Variants in CPEB4 observed in about 807,000 individuals in gnomAD.
CPEB4 encodes the protein cytoplasmic polyadenylation element-binding protein 4.
In CPEB4, 12 loss-of-function variants were observed where a neutral mutation model predicts 72.5. The observed-to-expected ratio is 0.17, with a 90% CI of 0.11 to 0.27. CPEB4 has a LOEUF of 0.27. Among genes scored for constraint, CPEB4 ranks in the 10% least tolerant of loss-of-function variants. The probability of loss-of-function intolerance (pLI) is 1.00; values close to 1 mark genes in which losing one functional copy is unlikely to be tolerated. For synonymous variants in CPEB4, 302 were observed against 326.3 expected, an observed-to-expected ratio of 0.93 and a Z score of 0.80; for missense variants, 614 against 908.5, an observed-to-expected ratio of 0.68 and a Z score of 4.17.
intron 3 of CPEB4, among the ~76,000 whole-genome samples, chr5:173,934,562 A>G (rs147886165): frequency 6.7e-4 from 102 of 152,268 alleles, no homozygotes; most frequent in Admixed American, 1.8e-3. Context: ...CAGGTCTAGT[A>G]CTGAGCTTCA....
chr5:173,945,205 A>G, intron 5 of CPEB4, 65 bp downstream of exon 5: 1 of 1,390,560 alleles, frequency 7.2e-7, no homozygotes, highest in Non-Finnish European at 1.0e-6. Flanking sequence ...ACTCACAGAT[A>G]GTGTTACAAT....
chr5:173,893,296 G>T (rs1394131599), intron 1 of CPEB4: 3 of 152,098 alleles, frequency 2.0e-5, no homozygotes, highest in East Asian at 1.9e-4. Context: ...ATCATTTTAA[G>T]TTGGTATAAG....
At position 173,890,753 on chromosome 5, in the gene CPEB4, C is replaced by T. The variant is rs1378533528; in HGVS notation, c.1020C>T (p.Ser340=). The T allele has an allele frequency of 1.9e-6, 3 of 1,614,056 alleles. No individual in the cohort carries two copies. Among genetic ancestry groups the T allele is most frequent in the Non-Finnish European group, 1.7e-6 (2 of 1,180,036 alleles). ...SISPLKKNFA[S]NHIQLQKYAR... ...CGCCTTTGAAGAAAAATTTTGCAAGCAATCATATTCAGCTCCAGAAGTATG... is the reference window on the plus strand; with the variant it reads ...CGCCTTTGAAGAAAAATTTTGCAAGTAATCATATTCAGCTCCAGAAGTATG... The change falls in exon 1 of 10, where the codon AGC becomes AGT. Residue 340 remains serine, a synonymous_variant. Coordinates refer to ENST00000265085, the MANE Select transcript of CPEB4 (RefSeq NM_030627.4).
intron 2 of CPEB4, among the ~76,000 whole-genome samples, chr5:173,913,772 A>C (rs1238193576): frequency 1.3e-5 from 2 of 152,218 alleles, no homozygotes; most frequent in Non-Finnish European, 2.9e-5. Flanking sequence ...AGATTTTGTA[A>C]AATAGTGATT....
chr5:173,956,192 A>T lies in CPEB4; in HGVS notation c.*55A>T. 7.2e-7 allele frequency: 1 copy of T among 1,380,270 alleles called. No homozygotes were observed. Among genetic ancestry groups the T allele is most frequent in the Non-Finnish European group, 1.0e-6 (1 of 969,858 alleles). The allele number at this position is 1,380,270 out of a possible 1,614,324, so 85.5% of individuals were successfully genotyped here. Reference sequence around the variant, plus strand: ...TCAGAATAAGTGCACTCTTCTGTTCATTCTGACCCCTTCCTCAACCTCTTC... The same window carrying T: ...TCAGAATAAGTGCACTCTTCTGTTCTTTCTGACCCCTTCCTCAACCTCTTC... On this transcript the variant is annotated 3_prime_UTR_variant, in exon 10 of 10. Coordinates refer to ENST00000265085, the MANE Select transcript of CPEB4 (RefSeq NM_030627.4).
At chr5:173,896,199 C>T (rs114195288) in intron 1 of CPEB4, among the ~76,000 whole-genome samples, 124 of 152,268 alleles carry the variant, frequency 8.1e-4, no homozygotes, top group African/African-American at 2.9e-3. Context: ...GGTCTCATCT[C>T]ACATAAGATA....
chr5:173,936,861 C>T (rs1757640837), intron 3 of CPEB4, among the ~76,000 whole-genome samples: 1 of 149,066 alleles, frequency 6.7e-6, no homozygotes. Flanking sequence ...CTTTAGCCCT[C>T]AGGATTAGCT....
At chr5:173,936,829 T>TC (rs1221286810) in intron 3 of CPEB4, among the ~76,000 whole-genome samples, 2 of 145,800 alleles carry the variant, frequency 1.4e-5, no homozygotes, top group Admixed American at 6.8e-5. Context: ...TTTTTTTTTT[T>TC]CTCTAACCTT....
intron 1 of CPEB4, among the ~76,000 whole-genome samples, chr5:173,909,569 T>C (rs1170677535): frequency 1.3e-5 from 2 of 152,104 alleles, no homozygotes; most frequent in Non-Finnish European, 2.9e-5. Flanking sequence ...GGAAGGAGAT[T>C]TTTTTTCAAC....
intron 1 of CPEB4, among the ~76,000 whole-genome samples, chr5:173,894,097 G>A (rs1561603294): frequency 2.0e-5 from 3 of 152,070 alleles, no homozygotes; most frequent in Non-Finnish European, 4.4e-5. Context: ...GGGCTCAAGA[G>A]ATCCTCCTGC....
intron 1 of CPEB4, among the ~76,000 whole-genome samples, chr5:173,898,891 C>T (rs780137720): frequency 3.9e-5 from 6 of 152,346 alleles, no homozygotes; most frequent in Non-Finnish European, 8.8e-5. Flanking sequence ...GTCTCGAACT[C>T]TTGACCTCAG....
chr5:173,894,849 C>G (rs946736326), intron 1 of CPEB4, among the ~76,000 whole-genome samples: 1 of 151,654 alleles, frequency 6.6e-6, no homozygotes, highest in African/African-American at 2.4e-5. Context: ...GCCTCCCAGA[C>G]GCATGTAAGA....
At chr5:173,929,264 G>A (rs528071572) in intron 2 of CPEB4, among the ~76,000 whole-genome samples, 1 of 152,184 alleles carries the variant, frequency 6.6e-6, no homozygotes, top group Non-Finnish European at 1.5e-5. Flanking sequence ...TTAAGAGACC[G>A]TTTTGTTACT....
intron 2 of CPEB4, among the ~76,000 whole-genome samples, chr5:173,927,256 A>T (rs911848769): frequency 2.0e-5 from 3 of 152,216 alleles, no homozygotes; most frequent in Non-Finnish European, 4.4e-5. Context: ...TTATTTTATT[A>T]TACTTTACTT....
At position 173,889,465 on chromosome 5, in the gene CPEB4, C is replaced by T. The variant is rs1330158785; in HGVS notation, c.-269C>T. 4 of 329,170 alleles carry T rather than the reference C, an allele frequency of 1.2e-5. No individual in the cohort carries two copies. The highest frequency in any genetic ancestry group is 8.6e-5 in the African/African-American group (4 of 46,650). The allele number at this position is 329,170 out of a possible 1,614,324, so 20.4% of individuals were successfully genotyped here. ...ACTAACCAAAGACTTGATTTTTACCCTCTTCATTTTTATTCCCTCCTAAAA... is the reference window on the plus strand; with the variant it reads ...ACTAACCAAAGACTTGATTTTTACCTTCTTCATTTTTATTCCCTCCTAAAA... On this transcript the variant is annotated 5_prime_UTR_variant, in exon 1 of 10. Transcript: ENST00000265085.
chr5:173,889,602 C>A lies in CPEB4; in HGVS notation c.-132C>A. On this transcript the variant is annotated 5_prime_UTR_variant, in exon 1 of 10. Coordinates refer to ENST00000265085, the MANE Select transcript of CPEB4 (RefSeq NM_030627.4). ...ACAATTTAAGGTGATAAGCTGCGAT[C>A]TTTGAGCTAGCTATAAATAAGACAT... is the stretch of plus-strand genomic sequence containing the variant. The A allele has an allele frequency of 2.6e-6, 2 of 763,354 alleles. No individual in the cohort carries two copies. The highest frequency in any genetic ancestry group is 4.3e-6 in the Non-Finnish European group (2 of 467,230). The allele number at this position is 763,354 out of a possible 1,614,324, so 47.3% of individuals were successfully genotyped here.
intron 5 of CPEB4, among the ~76,000 whole-genome samples, chr5:173,946,725 G>A (rs1315754910): frequency 6.6e-6 from 1 of 151,910 alleles, no homozygotes; most frequent in Admixed American, 6.6e-5. Context: ...ACAAGTGGGG[G>A]GCTTTTTCCT....
intron 1 of CPEB4, chr5:173,891,498 A>G (rs1755808404): frequency 6.6e-6 from 1 of 152,212 alleles, no homozygotes; most frequent in South Asian, 2.1e-4. Flanking sequence ...ATCCCCATTT[A>G]TTTTTGAACA....
At chr5:173,912,293 C>G (rs1434148763) in intron 2 of CPEB4, among the ~76,000 whole-genome samples, 3 of 151,826 alleles carry the variant, frequency 2.0e-5, no homozygotes, top group Non-Finnish European at 4.4e-5. Context: ...TTTCTAGCAC[C>G]AGAAAAATTG....
Sources: gnomAD v4.1 joint callset for allele counts (sites outside exome capture counted in the v4.1 genomes callset) on GRCh38, gnomAD v4.1.1 for gene constraint, MANE v1.5 for transcripts, NCBI Gene and HGNC (gene_info 2026-07-23, HGNC 2026-07-21) for gene names.